SYNPO2: variants seen among roughly 807,000 people sequenced by gnomAD.
The protein encoded by SYNPO2 is synaptopodin-2.
Under a neutral mutation model 85.0 loss-of-function variants are expected in SYNPO2, and 56 were observed. That is an observed-to-expected ratio of 0.66 (90% confidence interval 0.53 to 0.82). The LOEUF is 0.82. Ranked by LOEUF, SYNPO2 falls within the 40% of genes least tolerant of loss-of-function variation. The pLI, the probability that SYNPO2 is intolerant of heterozygous loss-of-function variation, is 0.00. For synonymous variants in SYNPO2, 602 were observed against 591.1 expected (o/e 1.02, Z -0.27); for missense variants, 1,575 against 1,534.2 (o/e 1.03, Z -0.44).
In SYNPO2 at chr4:119,058,299, C is replaced by A. The variant is rs1739282698; in HGVS notation, c.*365C>A. The A allele has an allele frequency of 1.2e-5, 2 of 167,384 alleles. No individual in the cohort carries two copies. Among genetic ancestry groups the A allele is most frequent in the African/African-American group, 2.4e-5 (1 of 41,816 alleles). 10.4% of individuals were successfully genotyped at this position (167,384 alleles called of 1,614,324 possible). On this transcript the variant is annotated 3_prime_UTR_variant, in exon 5 of 5. Transcript: ENST00000307142. ...TCAATTAAAGTAAAACTAAGTATTT[C>A]TTCATTGTACCTTAGTCCAGGAAGA...
Position 118,888,898 on chromosome 4 carries a change from G to A in SYNPO2, c.-139G>A. 1.2e-6 allele frequency: 1 copy of A among 837,822 alleles called. No homozygotes were observed. The highest frequency in any genetic ancestry group is 1.9e-6 in the Non-Finnish European group (1 of 520,738). 51.9% of individuals were successfully genotyped at this position (837,822 alleles called of 1,614,324 possible). A position where few individuals can be genotyped will look rare whatever the true frequency, so the allele number is the denominator to read the frequency against. On this transcript the variant is annotated 5_prime_UTR_variant, in exon 1 of 5. Transcript: ENST00000307142. Reference sequence around the variant, plus strand: ...GGCTGGGGCGGCGGCTGGGGCAGCGGCTGCAGCAGCGGCGGACGCTCTGCA... The same window carrying A: ...GGCTGGGGCGGCGGCTGGGGCAGCGACTGCAGCAGCGGCGGACGCTCTGCA...
At chr4:118,976,520 G>A (rs949496755) in intron 1 of SYNPO2, among the ~76,000 whole-genome samples, 2 of 152,106 alleles carry the variant, frequency 1.3e-5, no homozygotes, top group African/African-American at 4.8e-5. Context: ...CTCTTATCTG[G>A]CCCCACCCAC....
At chr4:119,043,409 A>G (rs1003463521) in intron 4 of SYNPO2, 2 of 152,210 alleles carry the variant, frequency 1.3e-5, no homozygotes, top group African/African-American at 2.4e-5. Flanking sequence ...TCATCAATGC[A>G]TTTGCATGAA....
intron 4 of SYNPO2, chr4:119,036,554 A>G (rs2149194650): frequency 2.0e-6 from 2 of 985,496 alleles, no homozygotes; most frequent in African/African-American, 3.5e-5. Context: ...CACAGGATCC[A>G]GACACCAGGC....
rs570242757 is a variant in SYNPO2, at chr4:118,909,093, T to G, written c.105+19952T>G. On this transcript the variant is annotated intron_variant, in intron 1 of 4. Transcript: ENST00000307142. ...GACCTGGAGTCCAGATTCATGGGAG[T>G]GACTCTGCAATGAAATATGGACACA... Among the ~76,000 whole-genome samples, 14 of 152,022 alleles carry G rather than the reference T, an allele frequency of 9.2e-5. No homozygotes were observed. The South Asian group carries it at 2.9e-3, about 32-fold the overall frequency.
intron 1 of SYNPO2, among the ~76,000 whole-genome samples, chr4:118,916,133 G>A (rs538717916): frequency 6.7e-6 from 1 of 149,604 alleles, no homozygotes; most frequent in Non-Finnish European, 1.5e-5. Flanking sequence ...GGTTTCTTTT[G>A]ATGAATAACA....
chr4:119,020,710 C>T (rs1167293026), intron 1 of SYNPO2, among the ~76,000 whole-genome samples: 1 of 152,036 alleles, frequency 6.6e-6, no homozygotes, highest in Non-Finnish European at 1.5e-5. Flanking sequence ...TTTTATGCCT[C>T]AAAAGTATCC....
At chr4:118,921,830 T>A (rs1213951142) in intron 1 of SYNPO2, among the ~76,000 whole-genome samples, 2 of 151,804 alleles carry the variant, frequency 1.3e-5, no homozygotes, top group African/African-American at 4.8e-5. Flanking sequence ...CTTGTTTTCA[T>A]TCTTGCTTCT....
chr4:119,032,002 C>A lies in SYNPO2; in HGVS notation c.3227C>A (p.Ala1076Asp). Residue 1076 changes from alanine (A) to aspartate (D), a missense_variant, in exon 4 of 5, where the codon GCC becomes GAC. Ala to Asp is a moderately radical substitution (Grantham distance 126). Coordinates refer to ENST00000307142, the MANE Select transcript of SYNPO2 (RefSeq NM_133477.3). The part of the protein sequence containing the change: ...YFVAPRPKFS[A>D]KKSGVTIQES... ...GTGGCACCAAGGCCAAAGTTCTCAG[C>A]CAAGAAAAGTGGTGTCACAATTCAG... The A allele has an allele frequency of 6.2e-7, 1 of 1,614,162 alleles. No homozygotes were observed. Among genetic ancestry groups the A allele is most frequent in the Non-Finnish European group, 8.5e-7 (1 of 1,180,024 alleles).
Position 118,949,091 on chromosome 4 carries a change from A to G in SYNPO2, c.105+59950A>G, listed in dbSNP as rs993709584. ...TAGCCAAGAACCTTTGGCAAGCCTA[A>G]GGATGCTTTGTCAATGGGAGTGATA... is the stretch of plus-strand genomic sequence containing the variant. On this transcript the variant is annotated intron_variant, in intron 1 of 4. Coordinates refer to ENST00000307142, the MANE Select transcript of SYNPO2 (RefSeq NM_133477.3). 1.6e-4 allele frequency among the ~76,000 whole-genome samples: 25 copies of G among 152,316 alleles called. 1 individual carries two copies. The highest frequency in any genetic ancestry group is 3.4e-3 in the Middle Eastern group (1 of 294).
chr4:118,909,647 G>A (rs1462634658), intron 1 of SYNPO2, among the ~76,000 whole-genome samples: 1 of 152,208 alleles, frequency 6.6e-6, no homozygotes, highest in Admixed American at 6.5e-5. Flanking sequence ...CCCTGCCCAC[G>A]CTTGGGAAGG....
chr4:118,922,852 G>A (rs940351196), intron 1 of SYNPO2, among the ~76,000 whole-genome samples: 2 of 152,000 alleles, frequency 1.3e-5, no homozygotes, highest in Admixed American at 6.6e-5. Flanking sequence ...ACAGATATTC[G>A]GCTCCAGTCT....
At chr4:119,007,246 G>GTA (rs1737086041) in intron 1 of SYNPO2, among the ~76,000 whole-genome samples, 2 of 30,874 alleles carry the variant, frequency 6.5e-5, no homozygotes, top group Non-Finnish European at 1.2e-4. Context: ...ATATATATAT[G>GTA]TATATACATA....
intron 4 of SYNPO2, among the ~76,000 whole-genome samples, chr4:119,038,876 A>T (rs1738619327): frequency 7.1e-6 from 1 of 140,884 alleles, no homozygotes; most frequent in Non-Finnish European, 1.5e-5. Context: ...GACACTTTTA[A>T]ACCTTACATT....
At position 119,027,365 on chromosome 4, in the gene SYNPO2, C is replaced by A. The variant is rs757722860; in HGVS notation, c.996C>A (p.Gly332=). The change falls in exon 3 of 5, where the codon GGC becomes GGA. Residue 332 remains glycine, a synonymous_variant. Transcript: ENST00000307142. ...TATCCTTTGCCGTCTCATCAGAAGG[C>A]ACAGAGCAGGGAGAAGATCCACGCT... ...SLVSFAVSSE[G]TEQGEDPRSE... is the part of the protein sequence containing the mutation. The A allele has an allele frequency of 6.2e-7, 1 of 1,613,846 alleles. No homozygotes were observed. The highest frequency in any genetic ancestry group is 8.5e-7 in the Non-Finnish European group (1 of 1,180,012).
chr4:118,966,852 C>G (rs901724200), intron 1 of SYNPO2, among the ~76,000 whole-genome samples: 16 of 152,098 alleles, frequency 1.1e-4, no homozygotes, highest in Non-Finnish European at 2.2e-4. Flanking sequence ...GTATCTGAAT[C>G]TACTCATGTA....
At chr4:119,037,475 T>G in intron 4 of SYNPO2, 2 of 1,047,290 alleles carry the variant, frequency 1.9e-6, no homozygotes, top group South Asian at 4.0e-5. Flanking sequence ...TGTCTTTTCT[T>G]CAGGATACAC....
Position 119,031,451 on chromosome 4 carries a change from G to A in SYNPO2, c.2676G>A (p.Thr892=). 8 of 1,614,108 alleles carry A rather than the reference G, an allele frequency of 5.0e-6. No homozygotes were observed. Among genetic ancestry groups the A allele is most frequent in the South Asian group, 3.3e-5 (3 of 91,086 alleles). The change falls in exon 4 of 5, where the codon ACG becomes ACA. Residue 892 remains threonine, a synonymous_variant. Coordinates refer to ENST00000307142, the MANE Select transcript of SYNPO2 (RefSeq NM_133477.3). ...AGAAGTATGTGGTCGATTCAGACAC[G>A]GTGCAGGCCCACGCTGCTCGAGCTC... ...RMEKYVVDSD[T]VQAHAARAQS... is the part of the protein sequence containing the mutation.
At chr4:119,029,820 A>ATTTTTTTTTTTTTTTTTTTTTTT (rs58164872) in intron 3 of SYNPO2, 25 bp from the exon 4 acceptor site, 1 of 1,320,024 alleles carries the variant, frequency 7.6e-7, no homozygotes, top group Non-Finnish European at 1.0e-6. Flanking sequence ...GCTCAATATA[A>ATTTTTTTTTTTTTTTTTTTTTTT]TTTTTTTTTT....
Sources: gnomAD v4.1 joint callset for allele counts (sites outside exome capture counted in the v4.1 genomes callset) on GRCh38, gnomAD v4.1.1 for gene constraint, MANE v1.5 for transcripts, NCBI Gene and HGNC (gene_info 2026-07-23, HGNC 2026-07-21) for gene names.